The following XPR1 variants were observed in gnomAD, a reference collection of about 807,000 sequenced individuals.
The protein encoded by XPR1 is xenotropic and polytropic retrovirus receptor 1, also known as solute carrier family 53 member 1.
Under a neutral mutation model 87.5 loss-of-function variants are expected in XPR1, and 28 were observed. The ratio of observed to expected loss-of-function variants is 0.32; its 90% CI spans 0.24 to 0.44. XPR1 has a LOEUF of 0.44. Among genes scored for constraint, XPR1 ranks in the 20% least tolerant of loss-of-function variants. The pLI, the probability that XPR1 is intolerant of heterozygous loss-of-function variation, is 1.00. For synonymous variants in XPR1, 300 were observed against 306.1 expected, an observed-to-expected ratio of 0.98 and a Z score of 0.21; for missense variants, 559 against 862.3, an observed-to-expected ratio of 0.65 and a Z score of 4.41.
At chr1:180,878,269 C>G (rs1468249346) in intron 13 of XPR1, 1 of 152,110 alleles carries the variant, frequency 6.6e-6, no homozygotes, top group Non-Finnish European at 1.5e-5. Context: ...ATGTTCTATC[C>G]CATTTAAAAC....
intron 11 of XPR1, among the ~76,000 whole-genome samples, chr1:180,844,355 G>T (rs778498221): frequency 6.6e-6 from 1 of 152,084 alleles, no homozygotes; most frequent in Non-Finnish European, 1.5e-5. Flanking sequence ...ACATGAGAAA[G>T]CTATGGTGAA....
chr1:180,638,962 A>G (rs1045511668), intron 1 of XPR1, among the ~76,000 whole-genome samples: 2 of 152,134 alleles, frequency 1.3e-5, no homozygotes, highest in Admixed American at 6.6e-5. Flanking sequence ...TCTTCCCATC[A>G]CCAAGCAAGT....
intron 2 of XPR1, among the ~76,000 whole-genome samples, chr1:180,715,139 G>C (rs1306979683): frequency 6.6e-6 from 1 of 152,214 alleles, no homozygotes; most frequent in Non-Finnish European, 1.5e-5. Flanking sequence ...ATACTACTAA[G>C]TATATGGTTG....
In XPR1 at chr1:180,781,592, ACT is replaced by A. The variant is rs567141334; in HGVS notation, c.122-6158_122-6157del. ...ATAGGAGTATTTTACCTTGATTGGT[ACT>A]CTTTTTTTTTTTTTAAACACCCCTG... On this transcript the variant is annotated intron_variant, in intron 2 of 14. Coordinates refer to ENST00000367590, the MANE Select transcript of XPR1 (RefSeq NM_004736.4). 9.6e-5 allele frequency among the ~76,000 whole-genome samples: 14 copies of A among 146,356 alleles called. No individual in the cohort carries two copies. The South Asian group carries it at 2.6e-3, about 27-fold the overall frequency.
chr1:180,682,328 T>C, intron 1 of XPR1, 32 bp from the exon 2 acceptor site: 1 of 1,543,710 alleles, frequency 6.5e-7, no homozygotes, highest in Non-Finnish European at 8.8e-7. Flanking sequence ...TTACTCATGA[T>C]TTCATATATT....
At chr1:180,874,075 A>G (rs1652586199) in intron 13 of XPR1, 133 bp downstream of exon 13, 2 of 1,143,048 alleles carry the variant, frequency 1.7e-6, no homozygotes, top group South Asian at 3.4e-5. Flanking sequence ...ATTTCTCCTC[A>G]GCCTTAGAAT....
At chr1:180,853,791 G>GTTTTTTTT (rs374408714) in intron 11 of XPR1, among the ~76,000 whole-genome samples, 27 of 109,354 alleles carry the variant, frequency 2.5e-4, no homozygotes, top group Non-Finnish European at 3.1e-4. Flanking sequence ...CATTCATGTG[G>GTTTTTTTT]TTTTTTTTTT....
At chr1:180,673,801 G>A (rs902827539) in intron 1 of XPR1, among the ~76,000 whole-genome samples, 5 of 152,208 alleles carry the variant, frequency 3.3e-5, no homozygotes, top group Non-Finnish European at 7.3e-5. Flanking sequence ...AGCCAAAAGG[G>A]TTGGGGACCA....
In XPR1 at chr1:180,835,015, A is replaced by G. The variant is rs1651229816; in HGVS notation, c.1276A>G (p.Ser426Gly). 1.2e-6 allele frequency: 2 copies of G among 1,614,000 alleles called. No individual in the cohort carries two copies. The highest frequency in any genetic ancestry group is 1.7e-6 in the Non-Finnish European group (2 of 1,179,984). ...FYSLELKWDE[S>G]KGLLPNNSEE... Reference sequence around the variant, plus strand: ...CAGTTTGGAGCTCAAATGGGATGAAAGTAAGGGCCTGTTGCCAAATAATTC... The same window carrying G: ...CAGTTTGGAGCTCAAATGGGATGAAGGTAAGGGCCTGTTGCCAAATAATTC... Residue 426 changes from serine to glycine, a missense_variant, in exon 10 of 15, where the codon AGT becomes GGT. By Grantham distance (56) the Ser-to-Gly change is moderately conservative. This residue lies in a region of XPR1 where 264 missense variants were observed against 377.2 expected (regional missense o/e 0.70). Transcript: ENST00000367590.
chr1:180,682,339 G>A (rs1163836273), intron 1 of XPR1, 21 bp from the exon 2 acceptor site: 77 of 1,563,232 alleles, frequency 4.9e-5, no homozygotes, highest in Non-Finnish European at 6.5e-5. Context: ...TTCATATATT[G>A]TTTTTCTTTC....
chr1:180,760,719 C>T (rs1400214743), intron 2 of XPR1, among the ~76,000 whole-genome samples: 1 of 152,144 alleles, frequency 6.6e-6, no homozygotes, highest in African/African-American at 2.4e-5. Flanking sequence ...AATCCCATCA[C>T]CATCAAGCTA....
At chr1:180,857,204 A>T (rs1004100311) in intron 11 of XPR1, among the ~76,000 whole-genome samples, 1 of 152,156 alleles carries the variant, frequency 6.6e-6, no homozygotes, top group Non-Finnish European at 1.5e-5. Context: ...TCAGTACCCA[A>T]GTCCCAACTT....
At chr1:180,727,486 A>G (rs1388743894) in intron 2 of XPR1, among the ~76,000 whole-genome samples, 3 of 152,156 alleles carry the variant, frequency 2.0e-5, no homozygotes, top group Non-Finnish European at 2.9e-5. Flanking sequence ...TCTACTAGAA[A>G]TGCAAGAATT....
intron 9 of XPR1, among the ~76,000 whole-genome samples, chr1:180,825,964 C>T (rs1354684760): frequency 2.0e-5 from 3 of 152,266 alleles, no homozygotes; most frequent in Non-Finnish European, 2.9e-5. Flanking sequence ...GCAGGAGAAT[C>T]GCTAGAACCC....
At chr1:180,778,904 A>G (rs542128411) in intron 2 of XPR1, among the ~76,000 whole-genome samples, 25 of 152,322 alleles carry the variant, frequency 1.6e-4, no homozygotes, top group African/African-American at 4.6e-4. Context: ...AATATTTTCC[A>G]TGGCACTTAG....
intron 1 of XPR1, among the ~76,000 whole-genome samples, chr1:180,672,879 A>G (rs763403981): frequency 7.2e-5 from 11 of 152,202 alleles, no homozygotes; most frequent in Non-Finnish European, 1.5e-4. Context: ...GTTGTGAAAC[A>G]TTATTAACAG....
chr1:180,836,758 A>G (rs779647341), intron 11 of XPR1, 42 bp downstream of exon 11: 5 of 1,596,208 alleles, frequency 3.1e-6, no homozygotes, highest in African/African-American at 2.7e-5. Context: ...TTAAACCTGG[A>G]TTTTTACTAC....
At chr1:180,736,875 A>G (rs767219372) in intron 2 of XPR1, among the ~76,000 whole-genome samples, 4 of 152,188 alleles carry the variant, frequency 2.6e-5, no homozygotes, top group Non-Finnish European at 5.9e-5. Context: ...GACAGGCCGA[A>G]AAAAGAGGCT....
At chr1:180,864,600 A>G (rs1652326737) in intron 12 of XPR1, among the ~76,000 whole-genome samples, 1 of 152,152 alleles carries the variant, frequency 6.6e-6, no homozygotes, top group Non-Finnish European at 1.5e-5. Context: ...TATTTGTTAA[A>G]ATCAAGTGCC....
Sources: gnomAD v4.1 joint callset for allele counts (sites outside exome capture counted in the v4.1 genomes callset) on GRCh38, gnomAD v4.1.1 for gene constraint, gnomAD v4.1.1 regional missense constraint, MANE v1.5 for transcripts, NCBI Gene and HGNC (gene_info 2026-07-23, HGNC 2026-07-21) for gene names.